The following PKP4 variants were observed in gnomAD, a reference collection of about 807,000 sequenced individuals.
PKP4 encodes the protein plakophilin-4.
PKP4 carries 90 observed loss-of-function variants against 145.1 expected under a neutral mutation model. The ratio of observed to expected loss-of-function variants is 0.62; its 90% CI spans 0.52 to 0.74. The LOEUF is 0.74. PKP4 is among the 30% of genes least tolerant of loss of function. PKP4 has a pLI of 0.00. For missense variants in PKP4, 1,340 were observed against 1,482.7 expected (o/e 0.90, Z 1.58); for synonymous variants, 563 against 577.2 (o/e 0.98, Z 0.35).
At chr2:158,570,707 C>T (rs1007400839) in intron 2 of PKP4, among the ~76,000 whole-genome samples, 5 of 151,584 alleles carry the variant, frequency 3.3e-5, no homozygotes, top group African/African-American at 9.7e-5. Context: ...ATTTTTGTCA[C>T]GCAGATAAAC....
chr2:158,464,409 A>G (rs913077936), intron 1 of PKP4, among the ~76,000 whole-genome samples: 1 of 152,216 alleles, frequency 6.6e-6, no homozygotes, highest in Non-Finnish European at 1.5e-5. Flanking sequence ...TATAAAAAGT[A>G]ATTTAAAAAT....
chr2:158,483,866 C>T (rs1277068906), intron 1 of PKP4, among the ~76,000 whole-genome samples: 1 of 152,060 alleles, frequency 6.6e-6, no homozygotes, highest in African/African-American at 2.4e-5. Flanking sequence ...TTTTCATCAT[C>T]GTTCTACCAA....
In PKP4 at chr2:158,678,830, G is replaced by A. The variant is rs192013129; in HGVS notation, c.3330+176G>A. 4.4e-4 allele frequency: 274 copies of A among 626,468 alleles called. 2 individuals carry two copies. In the East Asian group the frequency reaches 7.5e-3, roughly 17 times the overall value. The allele number at this position is 626,468 out of a possible 1,614,324, so 38.8% of individuals were successfully genotyped here. A position where few individuals can be genotyped will look rare whatever the true frequency, so the allele number is the denominator to read the frequency against. On this transcript the variant is annotated intron_variant, in intron 21 of 21. Coordinates refer to ENST00000389759, the MANE Select transcript of PKP4 (RefSeq NM_003628.6). ...GTTTAAGCAAAGCATTTCCACGGTA[G>A]CCTCACGTTCTTGAGTATCCACATC...
At chr2:158,552,485 A>G (rs184775493) in intron 2 of PKP4, among the ~76,000 whole-genome samples, 1 of 152,344 alleles carries the variant, frequency 6.6e-6, no homozygotes, top group East Asian at 1.9e-4. Flanking sequence ...AGAGTCTGGA[A>G]TAATTTTTAG....
chr2:158,495,234 A>T (rs1211403209), intron 1 of PKP4, among the ~76,000 whole-genome samples: 2 of 151,972 alleles, frequency 1.3e-5, no homozygotes, highest in Non-Finnish European at 2.9e-5. Flanking sequence ...AATAATAAAA[A>T]TGAAGTACCA....
intron 15 of PKP4, 75 bp downstream of exon 15, chr2:158,663,520 TGCCTCAGTCAGATCA>T: frequency 7.6e-7 from 1 of 1,310,190 alleles, no homozygotes; most frequent in South Asian, 1.3e-5. Context: ...ATATATGTTC[TGCCTCAGTCAGATCA>T]GCCCTGATGG....
At chr2:158,499,164 G>A (rs1696191553) in intron 1 of PKP4, among the ~76,000 whole-genome samples, 1 of 152,072 alleles carries the variant, frequency 6.6e-6, no homozygotes, top group South Asian at 2.1e-4. Context: ...GGTGGTAAGG[G>A]GAAAGGCTTG....
chr2:158,496,236 C>T (rs1021022810), intron 1 of PKP4, among the ~76,000 whole-genome samples: 2 of 152,150 alleles, frequency 1.3e-5, no homozygotes, highest in Non-Finnish European at 2.9e-5. Flanking sequence ...CTGCTCCAGC[C>T]TCCCAAAATG....
chr2:158,642,375 G>C (rs1449700672), intron 10 of PKP4, 111 bp from the exon 11 acceptor site: 4 of 788,630 alleles, frequency 5.1e-6, no homozygotes, highest in Non-Finnish European at 7.9e-6. Context: ...AGTAACCTTT[G>C]AAATGGTCTA....
At chr2:158,614,037 G>A (rs149795339) in intron 4 of PKP4, among the ~76,000 whole-genome samples, 1 of 152,214 alleles carries the variant, frequency 6.6e-6, no homozygotes, top group Admixed American at 6.5e-5. Flanking sequence ...TCAGCTTGAC[G>A]AGTACAAGCC....
chr2:158,616,390 G>T (rs1403411804), intron 4 of PKP4, among the ~76,000 whole-genome samples: 3 of 152,146 alleles, frequency 2.0e-5, no homozygotes, highest in African/African-American at 7.2e-5. Context: ...GTGGAAAGTA[G>T]ACTCCTTCGT....
chr2:158,555,974 A>G (rs752801063), intron 2 of PKP4, among the ~76,000 whole-genome samples: 5 of 152,220 alleles, frequency 3.3e-5, no homozygotes, highest in Non-Finnish European at 7.3e-5. Context: ...AAAACTCTTG[A>G]TCAAATTCTA....
At chr2:158,667,973 A>G (rs2057252615) in intron 16 of PKP4, among the ~76,000 whole-genome samples, 4 of 152,232 alleles carry the variant, frequency 2.6e-5, no homozygotes, top group Admixed American at 2.6e-4. Context: ...TGACACGTAT[A>G]TCCTGTGGCC....
chr2:158,461,537 G>C (rs1347297928), intron 1 of PKP4, among the ~76,000 whole-genome samples: 4 of 152,268 alleles, frequency 2.6e-5, no homozygotes, highest in Admixed American at 2.6e-4. Flanking sequence ...GTTATTGTAA[G>C]TCATGTGATT....
At chr2:158,554,407 C>T (rs1293365637) in intron 2 of PKP4, among the ~76,000 whole-genome samples, 2 of 129,812 alleles carry the variant, frequency 1.5e-5, no homozygotes, top group Non-Finnish European at 3.2e-5. Flanking sequence ...TTAGTATTCA[C>T]TCAGAAATAA....
At chr2:158,534,710 C>T (rs1157735767) in intron 2 of PKP4, among the ~76,000 whole-genome samples, 1 of 152,122 alleles carries the variant, frequency 6.6e-6, no homozygotes, top group African/African-American at 2.4e-5. Flanking sequence ...ATGGGAATGT[C>T]TGTTTGTACC....
intron 3 of PKP4, among the ~76,000 whole-genome samples, chr2:158,590,830 T>C (rs1047593721): frequency 2.0e-5 from 3 of 151,988 alleles, no homozygotes; most frequent in Admixed American, 6.6e-5. Flanking sequence ...GCTGGAAAGG[T>C]AGTGAGAAGT....
intron 4 of PKP4, among the ~76,000 whole-genome samples, chr2:158,615,066 GTTTC>G (rs1490618093): frequency 5.3e-5 from 8 of 151,256 alleles, no homozygotes; most frequent in South Asian, 4.2e-4. Flanking sequence ...CAAAAGAATC[GTTTC>G]TTTCTTTTTG....
chr2:158,482,582 T>C (rs1188519038), intron 1 of PKP4, among the ~76,000 whole-genome samples: 1 of 152,318 alleles, frequency 6.6e-6, no homozygotes, highest in South Asian at 2.1e-4. Context: ...ATGCCTATAA[T>C]CCCAGCACTT....
Sources: gnomAD v4.1 joint callset for allele counts (sites outside exome capture counted in the v4.1 genomes callset) on GRCh38, gnomAD v4.1.1 for gene constraint, MANE v1.5 for transcripts, NCBI Gene and HGNC (gene_info 2026-07-23, HGNC 2026-07-21) for gene names.